Variants in ZSWIM6 observed in about 807,000 individuals in gnomAD.
ZSWIM6 encodes zinc finger SWIM-type containing 6.
Under a neutral mutation model 113.2 loss-of-function variants are expected in ZSWIM6, and 9 were observed. The ratio of observed to expected loss-of-function variants is 0.08; its 90% CI spans 0.05 to 0.14. The LOEUF is 0.14. ZSWIM6 is among the 10% of genes least tolerant of loss of function. The pLI is 1.00. For missense variants in ZSWIM6, 1,162 were observed against 1,552.2 expected, an observed-to-expected ratio of 0.75 and a Z score of 4.22; for synonymous variants, 611 against 606.5, an observed-to-expected ratio of 1.01 and a Z score of -0.11.
At chr5:61,500,611 G>T (rs1233208952) in intron 4 of ZSWIM6, among the ~76,000 whole-genome samples, 1 of 152,048 alleles carries the variant, frequency 6.6e-6, no homozygotes, top group Non-Finnish European at 1.5e-5. Context: ...TAGTCTAGTC[G>T]CTAATTTGTA....
At chr5:61,480,020 T>C (rs1747813426) in intron 2 of ZSWIM6, among the ~76,000 whole-genome samples, 1 of 152,178 alleles carries the variant, frequency 6.6e-6, no homozygotes, top group Admixed American at 6.5e-5. Context: ...GATTATGTAA[T>C]AGTAAGACTT....
At chr5:61,484,846 A>G (rs1011624004) in intron 2 of ZSWIM6, among the ~76,000 whole-genome samples, 3 of 152,166 alleles carry the variant, frequency 2.0e-5, no homozygotes, top group African/African-American at 7.2e-5. Flanking sequence ...GAGTATGTTC[A>G]TCGGCAGAAA....
intron 1 of ZSWIM6, among the ~76,000 whole-genome samples, chr5:61,333,263 C>G (rs749386287): frequency 1.1e-4 from 16 of 151,800 alleles, no homozygotes; most frequent in Non-Finnish European, 1.9e-4. Flanking sequence ...GAGGGCTGTT[C>G]GCCGGTTTCG....
At chr5:61,507,779 A>G (rs181944990) in intron 4 of ZSWIM6, among the ~76,000 whole-genome samples, 1 of 152,300 alleles carries the variant, frequency 6.6e-6, no homozygotes, top group East Asian at 1.9e-4. Flanking sequence ...TTAGCTGTGC[A>G]TTTAAGGATA....
intron 1 of ZSWIM6, among the ~76,000 whole-genome samples, chr5:61,402,522 G>GT (rs201557058): frequency 2.1e-4 from 31 of 147,884 alleles, no homozygotes; most frequent in Middle Eastern, 6.9e-3. Context: ...ATTCTAGTTT[G>GT]TTTTTTTTTT....
chr5:61,503,920 TA>T (rs1439684511), intron 4 of ZSWIM6, among the ~76,000 whole-genome samples: 1 of 152,198 alleles, frequency 6.6e-6, no homozygotes, highest in East Asian at 1.9e-4. Context: ...ATTCCTGTAT[TA>T]ATGTCTATTT....
intron 4 of ZSWIM6, among the ~76,000 whole-genome samples, chr5:61,511,088 A>G (rs915738210): frequency 3.9e-5 from 6 of 152,188 alleles, no homozygotes; most frequent in Non-Finnish European, 8.8e-5. Context: ...TATTAAGGCT[A>G]ATTACAGCTT....
intron 1 of ZSWIM6, among the ~76,000 whole-genome samples, chr5:61,378,254 A>G (rs943552286): frequency 2.6e-5 from 4 of 152,222 alleles, no homozygotes; most frequent in African/African-American, 9.6e-5. Flanking sequence ...TTCATTATAG[A>G]AGACTGGTTA....
chr5:61,518,782 CTTTAG>C (rs1749033326), intron 4 of ZSWIM6, among the ~76,000 whole-genome samples: 1 of 152,098 alleles, frequency 6.6e-6, no homozygotes, highest in African/African-American at 2.4e-5. Flanking sequence ...TGCAGAAGCT[CTTTAG>C]TTTAATTAGA....
At chr5:61,506,038 G>T (rs1220565531) in intron 4 of ZSWIM6, among the ~76,000 whole-genome samples, 2 of 151,688 alleles carry the variant, frequency 1.3e-5, no homozygotes, top group African/African-American at 4.8e-5. Context: ...GAGCCACTGC[G>T]CCCGGCAGAT....
At chr5:61,454,084 A>G (rs562945181) in intron 1 of ZSWIM6, among the ~76,000 whole-genome samples, 62 of 152,080 alleles carry the variant, frequency 4.1e-4, no homozygotes, top group African/African-American at 1.4e-3. Flanking sequence ...TACTTTATTT[A>G]TATCAGTATG....
intron 1 of ZSWIM6, among the ~76,000 whole-genome samples, chr5:61,448,837 C>G (rs1280208743): frequency 6.6e-6 from 1 of 152,152 alleles, no homozygotes; most frequent in African/African-American, 2.4e-5. Flanking sequence ...CTAGCCTTGA[C>G]TAGAAATACT....
chr5:61,380,428 T>A (rs1745451103), intron 1 of ZSWIM6, among the ~76,000 whole-genome samples: 1 of 152,210 alleles, frequency 6.6e-6, no homozygotes, highest in Admixed American at 6.5e-5. Flanking sequence ...ACAATTAACA[T>A]CTGTGTACAT....
At chr5:61,512,663 G>A (rs1186956872) in intron 4 of ZSWIM6, among the ~76,000 whole-genome samples, 1 of 152,002 alleles carries the variant, frequency 6.6e-6, no homozygotes, top group Admixed American at 6.6e-5. Flanking sequence ...TATAATTGTA[G>A]CTATTATAAT....
At chr5:61,372,594 T>C (rs1033722802) in intron 1 of ZSWIM6, among the ~76,000 whole-genome samples, 1 of 152,182 alleles carries the variant, frequency 6.6e-6, no homozygotes, top group African/African-American at 2.4e-5. Flanking sequence ...CTCTTCCCGC[T>C]TTTTGGACCC....
chr5:61,442,435 C>T (rs1159431771), intron 1 of ZSWIM6, among the ~76,000 whole-genome samples: 1 of 152,098 alleles, frequency 6.6e-6, no homozygotes, highest in Non-Finnish European at 1.5e-5. Context: ...AGCTCCATAC[C>T]ATGGATGAGG....
At chr5:61,333,316 G>T (rs150506902) in intron 1 of ZSWIM6, among the ~76,000 whole-genome samples, 3,437 of 151,472 alleles carry the variant, frequency 0.023, 151 homozygotes, top group East Asian at 0.2. Flanking sequence ...GCCGGCCTCC[G>T]GCGAGGGTGT....
chr5:61,524,390 T>G (rs990099496), intron 5 of ZSWIM6, among the ~76,000 whole-genome samples: 2 of 152,210 alleles, frequency 1.3e-5, no homozygotes, highest in Admixed American at 1.3e-4. Context: ...CATTTTGATA[T>G]GTCTACCATT....
intron 7 of ZSWIM6, among the ~76,000 whole-genome samples, chr5:61,528,657 G>A (rs549765085): frequency 2.0e-5 from 3 of 150,792 alleles, no homozygotes; most frequent in Admixed American, 6.6e-5. Context: ...GCGCAATCTC[G>A]GCTTACTGCA....
Sources: allele counts gnomAD v4.1 joint callset (sites outside exome capture counted in the v4.1 genomes callset), GRCh38; gene constraint gnomAD v4.1.1; transcripts MANE v1.5; gene names NCBI Gene and HGNC (gene_info 2026-07-23, HGNC 2026-07-21).